Variants in SEC24B observed in about 807,000 individuals in gnomAD.
The protein encoded by SEC24B is protein transport protein Sec24B.
Under a neutral mutation model 142.8 loss-of-function variants are expected in SEC24B, and 45 were observed. That is an observed-to-expected ratio of 0.32 (90% CI 0.25 to 0.40). The LOEUF (loss-of-function observed/expected upper bound fraction) is 0.40, where lower values mean the gene tolerates loss of function less well. SEC24B is among the 10% of genes least tolerant of loss of function. The probability of loss-of-function intolerance (pLI) is 1.00; values close to 1 mark genes in which losing one functional copy is unlikely to be tolerated. For synonymous variants in SEC24B, 574 were observed against 568.2 expected, an observed-to-expected ratio of 1.01 and a Z score of -0.15; for missense variants, 1,409 against 1,526.8, an observed-to-expected ratio of 0.92 and a Z score of 1.29.
intron 3 of SEC24B, among the ~76,000 whole-genome samples, chr4:109,474,287 A>C (rs893081196): frequency 1.3e-5 from 2 of 152,182 alleles, no homozygotes; most frequent in African/African-American, 4.8e-5. Context: ...AAAAGCTTTT[A>C]GGATAGATCA....
intron 2 of SEC24B, among the ~76,000 whole-genome samples, chr4:109,469,978 C>T (rs1732346953): frequency 6.6e-6 from 1 of 152,104 alleles, no homozygotes. Context: ...ATAGGCATTG[C>T]ACAGAAGATG....
chr4:109,440,795 A>G (rs1485145720), intron 1 of SEC24B, among the ~76,000 whole-genome samples: 1 of 152,216 alleles, frequency 6.6e-6, no homozygotes, highest in Non-Finnish European at 1.5e-5. Context: ...GCAGCTTGTA[A>G]TAGGCACTCA....
At chr4:109,490,346 A>C (rs1734892097) in intron 4 of SEC24B, among the ~76,000 whole-genome samples, 1 of 152,068 alleles carries the variant, frequency 6.6e-6, no homozygotes, top group Admixed American at 6.6e-5. Flanking sequence ...TATTCAATGA[A>C]AAATAATTAT....
rs1728108794 is a variant in SEC24B at position 109,433,933 on chromosome 4, G to A, written c.64G>A (p.Gly22Arg). Reference protein sequence around the residue: ...ASARIPPKFGGAAVSGAAAPA... With the variant: ...ASARIPPKFGRAAVSGAAAPA... ...CGCCCGGATCCCGCCCAAGTTCGGC[G>A]GAGCGGCCGTCTCAGGAGCCGCAGC... The change falls in exon 1 of 24, where the codon GGA becomes AGA. Residue 22 changes from glycine to arginine, a missense_variant. This residue lies in a region of SEC24B where 709 missense variants were observed against 673.5 expected (regional missense o/e 1.05). Transcript: ENST00000265175. The A allele has an allele frequency of 7.8e-7, 1 of 1,289,346 alleles. No homozygotes were observed. Among genetic ancestry groups the A allele is most frequent in the Non-Finnish European group, 9.8e-7 (1 of 1,019,082 alleles). The allele number at this position is 1,289,346 out of a possible 1,614,324, so 79.9% of individuals were successfully genotyped here.
Position 109,481,728 on chromosome 4 carries a change from C to A in SEC24B, c.1112C>A (p.Pro371His), listed in dbSNP as rs1733757901. The A allele has an allele frequency of 1.9e-6, 3 of 1,613,744 alleles. No individual in the cohort carries two copies. In the East Asian group the frequency reaches 6.7e-5, roughly 36 times the overall value. Reference protein sequence around the residue: ...VNNQASSAPTPLSSTSDDEEE... With the variant: ...VNNQASSAPTHLSSTSDDEEE... ...AACCAAGCTAGCTCCGCACCAACTC[C>A]CTTGTCATCAACTTCCGATGATGAG... The change falls in exon 4 of 24, where the codon CCC (proline) becomes CAC (histidine). Residue 371 changes from proline to histidine, a missense_variant. Pro to His is a moderately conservative substitution (Grantham distance 77). This residue lies in a region of SEC24B where 709 missense variants were observed against 673.5 expected (regional missense o/e 1.05). Coordinates refer to ENST00000265175, the MANE Select transcript of SEC24B (RefSeq NM_006323.5).
intron 11 of SEC24B, among the ~76,000 whole-genome samples, chr4:109,517,694 A>G (rs1168002858): frequency 6.6e-6 from 1 of 152,040 alleles, no homozygotes; most frequent in Non-Finnish European, 1.5e-5. Flanking sequence ...TCAAAACAAC[A>G]TGTTTTACAT....
At position 109,504,212 on chromosome 4, in the gene SEC24B, A is replaced by C. The variant is rs1012162202; in HGVS notation, c.1489-2116A>C. On this transcript the variant is annotated intron_variant, in intron 6 of 23. Coordinates refer to ENST00000265175, the MANE Select transcript of SEC24B (RefSeq NM_006323.5). ...GGGAGGTGGACAGCATTTCTTACATAACCACAATACTACTATCATAGCCAA... is the reference window on the plus strand; with the variant it reads ...GGGAGGTGGACAGCATTTCTTACATCACCACAATACTACTATCATAGCCAA... Among the ~76,000 whole-genome samples the C allele has an allele frequency of 2.6e-5, 4 of 152,196 alleles. No homozygotes were observed. In the East Asian group the frequency reaches 7.7e-4, roughly 29 times the overall value.
intron 3 of SEC24B, among the ~76,000 whole-genome samples, chr4:109,474,913 A>T (rs1346390918): frequency 6.6e-6 from 1 of 152,242 alleles, no homozygotes; most frequent in Non-Finnish European, 1.5e-5. Context: ...CAGATACTTT[A>T]TATCTCATTA....
chr4:109,435,494 TTG>T (rs971634451), intron 1 of SEC24B, among the ~76,000 whole-genome samples: 99 of 152,348 alleles, frequency 6.5e-4, no homozygotes, highest in Middle Eastern at 3.4e-3. Context: ...GATTCAAGGA[TTG>T]TGTCTTTCCT....
chr4:109,449,527 C>T (rs1162985905), intron 1 of SEC24B: 1 of 455,626 alleles, frequency 2.2e-6, no homozygotes, highest in African/African-American at 2.0e-5. Context: ...CCACTACGCC[C>T]AGACATTTAT....
chr4:109,531,432 T>C lies in SEC24B; in HGVS notation c.3300T>C (p.Tyr1100=). The C allele has an allele frequency of 3.1e-6, 5 of 1,613,420 alleles. No individual in the cohort carries two copies. The highest frequency in any genetic ancestry group is 3.4e-6 in the Non-Finnish European group (4 of 1,179,308). The part of the protein sequence containing the change: ...GTSTRLDDRV[Y]AMCQIKSQPL... ...GCACACGGCTGGATGATCGTGTATA[T>C]GCCATGTGTCAGATAAAGTCTCAGC... Residue 1100 remains tyrosine, a synonymous_variant, in exon 20 of 24, where the codon TAT becomes TAC. Coordinates refer to ENST00000265175, the MANE Select transcript of SEC24B (RefSeq NM_006323.5).
chr4:109,488,790 T>C (rs763682970), intron 4 of SEC24B: 5 of 167,632 alleles, frequency 3.0e-5, no homozygotes, highest in African/African-American at 9.6e-5. Context: ...CGATTGGTTA[T>C]AACCATCCTA....
intron 1 of SEC24B, among the ~76,000 whole-genome samples, chr4:109,462,244 A>G (rs1731336727): frequency 6.6e-6 from 1 of 152,208 alleles, no homozygotes; most frequent in Non-Finnish European, 1.5e-5. Flanking sequence ...GGATGGGTAT[A>G]TTAGTTACTG....
At chr4:109,449,069 A>G (rs1387619343) in intron 1 of SEC24B, among the ~76,000 whole-genome samples, 1 of 152,126 alleles carries the variant, frequency 6.6e-6, no homozygotes, top group Non-Finnish European at 1.5e-5. Context: ...TAAGAATACC[A>G]CACAGGTGAA....
intron 14 of SEC24B, among the ~76,000 whole-genome samples, chr4:109,523,730 G>A (rs1023934615): frequency 6.6e-6 from 1 of 152,098 alleles, no homozygotes; most frequent in African/African-American, 2.4e-5. Context: ...ATCCAGATTT[G>A]CCTTAGGATA....
chr4:109,515,018 C>G (rs1214444936), intron 10 of SEC24B, among the ~76,000 whole-genome samples: 1 of 152,120 alleles, frequency 6.6e-6, no homozygotes, highest in Non-Finnish European at 1.5e-5. Context: ...GAATCTTAAT[C>G]TAATTGAAGT....
At chr4:109,537,848 T>C (rs1725729488) in intron 22 of SEC24B, among the ~76,000 whole-genome samples, 1 of 152,222 alleles carries the variant, frequency 6.6e-6, no homozygotes, top group Non-Finnish European at 1.5e-5. Flanking sequence ...AACTTGTCTA[T>C]TTAAATTTTG....
chr4:109,524,505 A>G (rs999260174), intron 14 of SEC24B, among the ~76,000 whole-genome samples: 7 of 152,138 alleles, frequency 4.6e-5, no homozygotes, highest in African/African-American at 1.7e-4. Flanking sequence ...CCACTTCTCA[A>G]TATCTATGTA....
intron 6 of SEC24B, among the ~76,000 whole-genome samples, chr4:109,503,062 CTTTTTTTTTT>C (rs200320332): frequency 2.2e-5 from 3 of 138,428 alleles, no homozygotes; most frequent in Non-Finnish European, 4.7e-5. Flanking sequence ...TTCTTTCTTT[CTTTTTTTTTT>C]TTTTTGAGAC....
Sources: allele counts gnomAD v4.1 joint callset (sites outside exome capture counted in the v4.1 genomes callset), GRCh38; gene constraint gnomAD v4.1.1; regional missense constraint gnomAD v4.1.1; transcripts MANE v1.5; gene names NCBI Gene and HGNC (gene_info 2026-07-23, HGNC 2026-07-21).